Variants in PHACTR2 observed in about 807,000 individuals in gnomAD.
PHACTR2 encodes chromosome 6 open reading frame 56.
PHACTR2 carries 30 observed loss-of-function variants against 76.0 expected under a neutral mutation model. That is an observed-to-expected ratio of 0.39 (90% CI 0.30 to 0.54). PHACTR2 has a LOEUF of 0.54. Ranked by LOEUF, PHACTR2 falls within the 20% of genes least tolerant of loss-of-function variation. PHACTR2 has a pLI of 0.61. For synonymous variants in PHACTR2, 292 were observed against 292.5 expected (o/e 1.00, Z 0.02); for missense variants, 696 against 781.1 (o/e 0.89, Z 1.30).
intron 11 of PHACTR2, among the ~76,000 whole-genome samples, chr6:143,790,045 G>C (rs1455785406): frequency 6.6e-6 from 1 of 152,168 alleles, no homozygotes; most frequent in East Asian, 1.9e-4. Context: ...CAGGGAGGAC[G>C]GACGGCCACA....
At chr6:143,587,874 G>A (rs193046190) in intron 1 of PHACTR2, among the ~76,000 whole-genome samples, 3 of 152,088 alleles carry the variant, frequency 2.0e-5, no homozygotes, top group Admixed American at 6.5e-5. Context: ...TTAGCCAGGC[G>A]TGATGGCACA....
rs111501716 is a variant in PHACTR2 at position 143,793,812 on chromosome 6, G to A, written c.1845+4902G>A. On this transcript the variant is annotated intron_variant, in intron 11 of 12. Coordinates refer to ENST00000440869, the MANE Select transcript of PHACTR2 (RefSeq NM_001100164.2). The surrounding 1 kb of genome is among the most constrained non-coding windows in gnomAD (Gnocchi z 4.4). ...CGTACCTGTAGTCCCAGCTACTCGG[G>A]AAGCTGAGGTGGGAGAATTGCTTGA... 2.2e-3 allele frequency among the ~76,000 whole-genome samples: 329 copies of A among 152,188 alleles called. 6 individuals carry two copies. Among genetic ancestry groups the A allele is most frequent in the African/African-American group, 7.7e-3 (321 of 41,522 alleles).
chr6:143,678,311 G>A lies in PHACTR2; in HGVS notation c.46+102G>A. 8.9e-7 allele frequency: 1 copy of A among 1,122,910 alleles called. No homozygotes were observed. The highest frequency in any genetic ancestry group is 1.2e-6 in the Non-Finnish European group (1 of 842,188). 69.6% of individuals were successfully genotyped at this position (1,122,910 alleles called of 1,614,324 possible). A position where few individuals can be genotyped will look rare whatever the true frequency, so the allele number is the denominator to read the frequency against. On this transcript the variant is annotated intron_variant, in intron 1 of 12. Transcript: ENST00000440869. This position sits in a 1 kb window ranked among gnomAD's most constrained non-coding sequence, Gnocchi z 6.2. The stretch of plus-strand genomic sequence containing the variant: ...TTAGTCGTCTGGTCGGGTTCCGCTC[G>A]GACCCGCCAAGTCCCTCGGAGAAAC...
At chr6:143,763,804 G>T (rs1779492191) in intron 5 of PHACTR2, among the ~76,000 whole-genome samples, 1 of 152,118 alleles carries the variant, frequency 6.6e-6, no homozygotes, top group African/African-American at 2.4e-5. Context: ...GTCATAACTG[G>T]AGGTAAGTTA....
chr6:143,821,132 C>A lies in PHACTR2; in HGVS notation c.1923-2542C>A, dbSNP rs538701325. Among the ~76,000 whole-genome samples the A allele has an allele frequency of 2.0e-5, 3 of 152,342 alleles. 1 individual carries two copies. Among genetic ancestry groups the A allele is most frequent in the African/African-American group, 7.2e-5 (3 of 41,584 alleles). On this transcript the variant is annotated intron_variant, in intron 12 of 12. Coordinates refer to ENST00000440869, the MANE Select transcript of PHACTR2 (RefSeq NM_001100164.2). The surrounding 1 kb of genome is among the most constrained non-coding windows in gnomAD (Gnocchi z 5.2). ...CGAAAAAGTGAAAGAGTGATGTTGC[C>A]TCTGTGTATCAAATGCAGGCATGGC...
rs1184357026 is a variant in PHACTR2 at position 143,627,152 on chromosome 6, G to A, written c.13+18830G>A. Among the ~76,000 whole-genome samples the A allele has an allele frequency of 3.9e-5, 6 of 152,300 alleles. No individual in the cohort carries two copies. The highest frequency in any genetic ancestry group is 1.2e-4 in the African/African-American group (5 of 41,556). On this transcript the variant is annotated intron_variant, in intron 1 of 11. Transcript: ENST00000305766. This position sits in a 1 kb window ranked among gnomAD's most constrained non-coding sequence, Gnocchi z 4.3. The stretch of plus-strand genomic sequence containing the variant: ...CCAAACAAGTTAGAAGGTCCAGGAG[G>A]GAAGTGCCACTTGGTGATGTAGGGG...
intron 1 of PHACTR2, among the ~76,000 whole-genome samples, chr6:143,685,048 AT>A (rs1259105218): frequency 1.3e-5 from 2 of 152,062 alleles, no homozygotes; most frequent in East Asian, 1.9e-4. Context: ...AACATTAAAA[AT>A]TTTTTTCTTG....
In PHACTR2 at chr6:143,767,939, G is replaced by T. The variant is rs1233234246; in HGVS notation, c.1232+2141G>T. Among the ~76,000 whole-genome samples the T allele has an allele frequency of 3.3e-5, 5 of 152,150 alleles. No homozygotes were observed. Among genetic ancestry groups the T allele is most frequent in the African/African-American group, 1.2e-4 (5 of 41,428 alleles). On this transcript the variant is annotated intron_variant, in intron 6 of 12. Coordinates refer to ENST00000440869, the MANE Select transcript of PHACTR2 (RefSeq NM_001100164.2). This position sits in a 1 kb window ranked among gnomAD's most constrained non-coding sequence, Gnocchi z 4.4. ...CTCAACCTCTGCCTCCCAGGTTCAA[G>T]CAATTCTCCTGCCTCAGCCTCCCCA...
chr6:143,740,783 G>GTA (rs1778923882), intron 2 of PHACTR2, among the ~76,000 whole-genome samples: 2 of 152,136 alleles, frequency 1.3e-5, no homozygotes, highest in African/African-American at 4.8e-5. Context: ...AGAAAGCAGC[G>GTA]TACCTCTGGT....
intron 2 of PHACTR2, among the ~76,000 whole-genome samples, chr6:143,725,700 G>A (rs373816837): frequency 1.3e-4 from 19 of 151,850 alleles, no homozygotes; most frequent in South Asian, 4.2e-4. Context: ...GCTGGGCATC[G>A]CCTGTAATCC....
chr6:143,798,572 C>T (rs528299303), intron 11 of PHACTR2, among the ~76,000 whole-genome samples: 2 of 152,036 alleles, frequency 1.3e-5, no homozygotes, highest in Non-Finnish European at 2.9e-5. Context: ...AGATACGTTC[C>T]ATCGATACCT....
chr6:143,717,385 T>C (rs1778327430), intron 2 of PHACTR2, among the ~76,000 whole-genome samples: 1 of 152,224 alleles, frequency 6.6e-6, no homozygotes. Flanking sequence ...AGTGTCTGTC[T>C]TATGCTCCTA....
At position 143,641,641 on chromosome 6, in the gene PHACTR2, G is replaced by T; in HGVS notation, c.13+33319G>T. Among the ~76,000 whole-genome samples the T allele has an allele frequency of 6.6e-6, 1 of 152,012 alleles. No individual in the cohort carries two copies. The highest frequency in any genetic ancestry group is 1.9e-4 in the East Asian group (1 of 5,188). Reference sequence around the variant, plus strand: ...CCTGCCTCAGCCTCCTGAGTAGCTGGGATTACAGGCATGCACCACCCTGCC... The same window carrying T: ...CCTGCCTCAGCCTCCTGAGTAGCTGTGATTACAGGCATGCACCACCCTGCC... On this transcript the variant is annotated intron_variant, in intron 1 of 11. Transcript: ENST00000305766. This position sits in a 1 kb window ranked among gnomAD's most constrained non-coding sequence, Gnocchi z 5.8.
rs1423552794 is a variant in PHACTR2 at position 143,596,332 on chromosome 6, CAGA to C, written c.217+59128_217+59130del. 2.6e-5 allele frequency among the ~76,000 whole-genome samples: 4 copies of C among 152,052 alleles called. No individual in the cohort carries two copies. Among genetic ancestry groups the C allele is most frequent in the Non-Finnish European group, 4.4e-5 (3 of 68,010 alleles). ...GCTAACTAAGCGGGTCGTCCTTTCT[CAGA>C]AGGTTTATTTCTTGGTGGTGATCTT... On this transcript the variant is annotated intron_variant, in intron 1 of 11. Coordinates refer to the PHACTR2 transcript ENST00000367584. The surrounding 1 kb of genome is among the most constrained non-coding windows in gnomAD (Gnocchi z 4.6).
In PHACTR2 at chr6:143,772,688, A is replaced by G. The variant is rs1011876270; in HGVS notation, c.1432+231A>G. 1.3e-5 allele frequency among the ~76,000 whole-genome samples: 2 copies of G among 152,210 alleles called. No individual in the cohort carries two copies. The highest frequency in any genetic ancestry group is 2.9e-5 in the Non-Finnish European group (2 of 68,042). ...CTGGCCTTTGTCGATGAGCTAGATG[A>G]GCTAGATGTGCTAGATGTGCATATT... On this transcript the variant is annotated intron_variant, in intron 7 of 12. Coordinates refer to ENST00000440869, the MANE Select transcript of PHACTR2 (RefSeq NM_001100164.2). This position sits in a 1 kb window ranked among gnomAD's most constrained non-coding sequence, Gnocchi z 5.4.
In PHACTR2 at chr6:143,697,592, A is replaced by C. The variant is rs1334000557; in HGVS notation, c.47-14424A>C. Among the ~76,000 whole-genome samples, 3 of 152,174 alleles carry C rather than the reference A, an allele frequency of 2.0e-5. No individual in the cohort carries two copies. The East Asian group carries it at 5.8e-4, about 29-fold the overall frequency. Reference sequence around the variant, plus strand: ...CAGCAATGTCTGTACCATTCTTATGAGTGTTAATCATCCTTCCTGCTGGCT... The same window carrying C: ...CAGCAATGTCTGTACCATTCTTATGCGTGTTAATCATCCTTCCTGCTGGCT... On this transcript the variant is annotated intron_variant, in intron 1 of 12. Coordinates refer to ENST00000440869, the MANE Select transcript of PHACTR2 (RefSeq NM_001100164.2). The surrounding 1 kb of genome is among the most constrained non-coding windows in gnomAD (Gnocchi z 4.4).
rs1778095957 is a variant in PHACTR2, at chr6:143,708,240, T to A, written c.47-3776T>A. 6.6e-6 allele frequency among the ~76,000 whole-genome samples: 1 copy of A among 152,230 alleles called. No homozygotes were observed. Among genetic ancestry groups the A allele is most frequent in the Non-Finnish European group, 1.5e-5 (1 of 68,040 alleles). ...TAAAACCTGTGTATATTTTCTGATT[T>A]CTTAGCAATTGGTGTTGTGGGGAAA... On this transcript the variant is annotated intron_variant, in intron 1 of 12. Transcript: ENST00000440869. This position sits in a 1 kb window ranked among gnomAD's most constrained non-coding sequence, Gnocchi z 5.5.
At chr6:143,726,016 T>C (rs964863397) in intron 2 of PHACTR2, among the ~76,000 whole-genome samples, 28 of 152,204 alleles carry the variant, frequency 1.8e-4, no homozygotes, top group Non-Finnish European at 7.4e-5. Context: ...GAAAGACACA[T>C]GGGTTGTTTC....
At chr6:143,724,779 C>A (rs1582813403) in intron 2 of PHACTR2, among the ~76,000 whole-genome samples, 1 of 152,194 alleles carries the variant, frequency 6.6e-6, no homozygotes, top group Non-Finnish European at 1.5e-5. Flanking sequence ...TTTCAGAAAA[C>A]ACAAGTAGCT....
Sources: allele counts gnomAD v4.1 joint callset (sites outside exome capture counted in the v4.1 genomes callset), GRCh38; gene constraint gnomAD v4.1.1; non-coding constraint Gnocchi (gnomAD v3.1); transcripts MANE v1.5; gene names NCBI Gene and HGNC (gene_info 2026-07-23, HGNC 2026-07-21).